PCLO: variants seen among roughly 807,000 people sequenced by gnomAD.
PCLO encodes the protein piccolo presynaptic cytomatrix protein.
In PCLO, 82 loss-of-function variants were observed where a neutral mutation model predicts 427.5. The ratio of observed to expected loss-of-function variants is 0.19; its 90% confidence interval spans 0.16 to 0.23. The LOEUF (loss-of-function observed/expected upper bound fraction) is 0.23, where lower values mean the gene tolerates loss of function less well. PCLO is among the 10% of genes least tolerant of loss of function. The pLI is 1.00. For synonymous variants in PCLO, 2,357 were observed against 2,155.4 expected (o/e 1.09, Z -2.59); for missense variants, 6,239 against 6,115.9 (o/e 1.02, Z -0.67).
rs759363919 is a variant in PCLO, at chr7:82,954,269, T to C, written c.6684A>G (p.Ser2228=). The change falls in exon 5 of 25, where the codon TCA becomes TCG. Residue 2228 remains serine (S), a synonymous_variant. Coordinates refer to ENST00000333891, the MANE Select transcript of PCLO (RefSeq NM_033026.6). ...TAATGCTGCCTGGAAAATAAGTTGA[T>C]GAAGAAATTTCCTCAGAATCTTCAA... ...TKFEDSEEIS[S]STYFPGSIID... is the part of the protein sequence containing the mutation. 8.7e-6 allele frequency: 14 copies of C among 1,613,606 alleles called. No individual in the cohort carries two copies. Among genetic ancestry groups the C allele is most frequent in the African/African-American group, 1.3e-5 (1 of 74,930 alleles).
chr7:83,064,255 T>C (rs979005330), intron 3 of PCLO, among the ~76,000 whole-genome samples: 2 of 151,918 alleles, frequency 1.3e-5, no homozygotes, highest in African/African-American at 4.8e-5. Flanking sequence ...TTTTGAGAGA[T>C]GATGTACAAT....
At chr7:83,122,415 A>G (rs928044336) in intron 3 of PCLO, among the ~76,000 whole-genome samples, 2 of 150,846 alleles carry the variant, frequency 1.3e-5, no homozygotes, top group African/African-American at 4.9e-5. Flanking sequence ...CCTCCCAAGT[A>G]CCTGGGATTA....
intron 3 of PCLO, among the ~76,000 whole-genome samples, chr7:83,134,047 AC>A (rs1328615250): frequency 6.6e-6 from 1 of 151,608 alleles, no homozygotes; most frequent in Non-Finnish European, 1.5e-5. Context: ...TGGAACATTA[AC>A]CCAGGAAAGT....
chr7:82,834,321 T>A (rs1294658372), intron 16 of PCLO, among the ~76,000 whole-genome samples: 1 of 152,144 alleles, frequency 6.6e-6, no homozygotes, highest in Non-Finnish European at 1.5e-5. Context: ...GATACCTGGA[T>A]TGTGTTCTGT....
Position 82,833,695 on chromosome 7 carries a change from T to G in PCLO, c.14249+1972A>C, listed in dbSNP as rs142445748. ...TCAGAAGCTCAAGCATTCTGTACCT[T>G]TCTGTTGCAGAGATAACCAACCACT... On this transcript the variant is annotated intron_variant, in intron 16 of 24. Transcript: ENST00000333891. 1.7e-3 allele frequency among the ~76,000 whole-genome samples: 259 copies of G among 150,574 alleles called. 4 individuals are homozygous for G. Among genetic ancestry groups the G allele is most frequent in the African/African-American group, 6.0e-3 (247 of 41,446 alleles).
At position 82,953,562 on chromosome 7, in the gene PCLO, G is replaced by T. The variant is rs757456824; in HGVS notation, c.7391C>A (p.Thr2464Asn). ...TCCATTACTTCTCAGAACAGCTGTG[G>T]TCTCTAGAGTAGTAACAGCATCAAA... ...PLFDAVTTLE[T>N]TAVLRSNGLP... Residue 2464 changes from threonine to asparagine, a missense_variant, in exon 5 of 25, where the codon ACC becomes AAC. This residue lies in a region of PCLO where 4,677 missense variants were observed against 4,468.4 expected (regional missense o/e 1.05). Coordinates refer to ENST00000333891, the MANE Select transcript of PCLO (RefSeq NM_033026.6). 6.2e-7 allele frequency: 1 copy of T among 1,612,594 alleles called. No individual in the cohort carries two copies. The highest frequency in any genetic ancestry group is 8.5e-7 in the Non-Finnish European group (1 of 1,178,994).
At chr7:82,971,463 A>G (rs1051447811) in intron 3 of PCLO, among the ~76,000 whole-genome samples, 4 of 150,042 alleles carry the variant, frequency 2.7e-5, no homozygotes, top group African/African-American at 7.3e-5. Context: ...ACACACACAT[A>G]AAACTGCTGG....
chr7:83,155,653 T>C lies in PCLO; in HGVS notation c.988A>G (p.Lys330Glu), dbSNP rs1792271914. 1.2e-6 allele frequency: 2 copies of C among 1,613,876 alleles called. No individual in the cohort carries two copies. Among genetic ancestry groups the C allele is most frequent in the Non-Finnish European group, 1.7e-6 (2 of 1,179,858 alleles). The change falls in exon 2 of 25, where the codon AAG (lysine) becomes GAG (glutamate). Residue 330 changes from lysine to glutamate, a missense_variant. Transcript: ENST00000333891. ...AGCCCTGAGGGCTGAGCTGGGGGCT[T>C]TGCAGGCCCAGGCTGTGATTTTTCA... Reference protein sequence around the residue: ...GHEKSQPGPAKPPAQPSGLTK... With the variant: ...GHEKSQPGPAEPPAQPSGLTK...
Position 82,915,062 on chromosome 7 carries a change from A to T in PCLO, c.12924T>A (p.Asp4308Glu), listed in dbSNP as rs148306873. The change falls in exon 7 of 25, where the codon GAT (aspartate) becomes GAA (glutamate). Residue 4308 changes from aspartate to glutamate, a missense_variant. Around this residue, in one of 5 missense-constraint regions of PCLO, gnomAD observed 680 missense variants for 677.3 expected, o/e 1.00. Coordinates refer to ENST00000333891, the MANE Select transcript of PCLO (RefSeq NM_033026.6). Reference protein sequence around the residue: ...VYGLDLSIKRDSSSSSLRLKA... With the variant: ...VYGLDLSIKRESSSSSLRLKA... ...TCAGTCTTAGGGAAGAGCTAGAAGA[A>T]TCCCTTTTAATTGATAAATCAAGCC... 3.3e-5 allele frequency: 53 copies of T among 1,611,788 alleles called. No individual in the cohort carries two copies. The African/African-American group carries it at 5.9e-4, about 18-fold the overall frequency.
chr7:83,040,858 T>C (rs1788957302), intron 3 of PCLO, among the ~76,000 whole-genome samples: 1 of 152,188 alleles, frequency 6.6e-6, no homozygotes, highest in African/African-American at 2.4e-5. Context: ...CTACCTAATT[T>C]AATGATTCCA....
chr7:82,839,977 A>G (rs1373363534), intron 14 of PCLO, among the ~76,000 whole-genome samples: 1 of 152,124 alleles, frequency 6.6e-6, no homozygotes, highest in Non-Finnish European at 1.5e-5. Flanking sequence ...ATAGTAGGGT[A>G]AATTTCAACT....
chr7:82,915,156 T>C lies in PCLO; in HGVS notation c.12830A>G (p.Asp4277Gly), dbSNP rs1794413682. 2 of 1,595,686 alleles carry C rather than the reference T, an allele frequency of 1.3e-6. No individual in the cohort carries two copies. Among genetic ancestry groups the C allele is most frequent in the Non-Finnish European group, 1.7e-6 (2 of 1,170,268 alleles). ...ACTACTGTATGGCTTATCCGCTTCA[T>C]CCTGCAGAGCTGAGCGTATGGTATT... ...LGNTIRSALQ[D>G]EADKPYSSGS... The change falls in exon 7 of 25, where the codon GAT becomes GGT. Residue 4277 changes from aspartate to glycine, a missense_variant. Coordinates refer to ENST00000333891, the MANE Select transcript of PCLO (RefSeq NM_033026.6).
At chr7:82,776,835 T>C (rs10239285) in intron 22 of PCLO, among the ~76,000 whole-genome samples, 296 of 150,340 alleles carry the variant, frequency 2.0e-3, no homozygotes, top group African/African-American at 6.1e-3. Flanking sequence ...TCTCTATATA[T>C]ACACACACAC....
intron 22 of PCLO, among the ~76,000 whole-genome samples, chr7:82,767,235 A>G (rs771533280): frequency 9.2e-5 from 14 of 152,114 alleles, no homozygotes; most frequent in Non-Finnish European, 1.8e-4. Flanking sequence ...AAATGCTTTG[A>G]CCAGCCTTCA....
chr7:83,113,474 G>A (rs1055488774), intron 3 of PCLO, among the ~76,000 whole-genome samples: 2 of 152,148 alleles, frequency 1.3e-5, no homozygotes, highest in African/African-American at 4.8e-5. Flanking sequence ...ATATGGTGCT[G>A]TTTCTCTTTA....
intron 2 of PCLO, among the ~76,000 whole-genome samples, chr7:83,151,754 T>C (rs969979356): frequency 1.8e-4 from 27 of 152,204 alleles, no homozygotes; most frequent in Non-Finnish European, 1.0e-4. Context: ...TCTCTCTTCC[T>C]ACCATAGGTA....
intron 3 of PCLO, among the ~76,000 whole-genome samples, chr7:83,036,654 C>A (rs573620972): frequency 2.6e-5 from 4 of 152,146 alleles, no homozygotes; most frequent in Non-Finnish European, 5.9e-5. Flanking sequence ...CAGTACATAG[C>A]CCTATTTGTC....
chr7:83,015,066 A>C (rs934489327), intron 3 of PCLO, among the ~76,000 whole-genome samples: 5 of 152,110 alleles, frequency 3.3e-5, no homozygotes, highest in African/African-American at 1.2e-4. Context: ...AGGCACAGGG[A>C]GGTAACATTA....
At chr7:82,868,056 C>A in intron 10 of PCLO, 2 of 452,310 alleles carry the variant, frequency 4.4e-6, no homozygotes, top group Non-Finnish European at 8.9e-6. Context: ...GTACCTAACG[C>A]ACCAGCTTTA....
Sources: allele counts gnomAD v4.1 joint callset (sites outside exome capture counted in the v4.1 genomes callset), GRCh38; gene constraint gnomAD v4.1.1; regional missense constraint gnomAD v4.1.1; transcripts MANE v1.5; gene names NCBI Gene and HGNC (gene_info 2026-07-23, HGNC 2026-07-21).